RPH3AL: variants seen among roughly 807,000 people sequenced by gnomAD.
The protein encoded by RPH3AL is rabphilin 3A like (without C2 domains).
RPH3AL carries 38 observed loss-of-function variants against 43.1 expected under a neutral mutation model. That is an observed-to-expected ratio of 0.88 (90% CI 0.68 to 1.15). The LOEUF (loss-of-function observed/expected upper bound fraction) is 1.15, where lower values mean the gene tolerates loss of function less well. Among genes scored for constraint, RPH3AL ranks in the 50% most tolerant of loss-of-function variants. The pLI is 0.00. For missense variants in RPH3AL, 462 were observed against 423.2 expected, an observed-to-expected ratio of 1.09 and a Z score of -0.81; for synonymous variants, 189 against 176.3, an observed-to-expected ratio of 1.07 and a Z score of -0.57.
intron 1 of RPH3AL, among the ~76,000 whole-genome samples, chr17:351,784 C>A (rs2045358320): frequency 6.6e-6 from 1 of 152,124 alleles, no homozygotes; most frequent in Admixed American, 6.5e-5. Context: ...ATGCCATATG[C>A]CACAAATAGA....
intron 5 of RPH3AL, among the ~76,000 whole-genome samples, chr17:317,816 C>G (rs945400166): frequency 3.3e-5 from 5 of 152,306 alleles, no homozygotes; most frequent in Middle Eastern, 3.4e-3. Context: ...AAAATGCCCT[C>G]AAGTTTGCCA....
chr17:276,679 C>T (rs1161598533), intron 6 of RPH3AL, among the ~76,000 whole-genome samples: 1 of 152,224 alleles, frequency 6.6e-6, no homozygotes, highest in Non-Finnish European at 1.5e-5. Flanking sequence ...AGGTGTGAGC[C>T]ACTGTACCTG....
chr17:223,833 G>A (rs11867332), intron 7 of RPH3AL, among the ~76,000 whole-genome samples: 122,749 of 152,152 alleles, frequency 0.81, 49,559 homozygotes, highest in Middle Eastern at 0.88. Flanking sequence ...GCTGGCTGCC[G>A]TGAAGACCTG....
rs1372698880 is a variant in RPH3AL at position 219,750 on chromosome 17, A to G, written c.614-14T>C. On this transcript the variant is annotated splice_polypyrimidine_tract_variant and intron_variant, in intron 7 of 9. Transcript: ENST00000331302. ...CACTGGAAACCACTGGAAGAGACAG[A>G]CCACAGCACAGGAGGTCACCCGACC... 4 of 1,595,812 alleles carry G rather than the reference A, an allele frequency of 2.5e-6. No homozygotes were observed. The highest frequency in any genetic ancestry group is 3.4e-6 in the Non-Finnish European group (4 of 1,163,908).
chr17:226,015 G>A (rs1482570608), intron 7 of RPH3AL, among the ~76,000 whole-genome samples: 1 of 152,248 alleles, frequency 6.6e-6, no homozygotes, highest in African/African-American at 2.4e-5. Flanking sequence ...ACCATGCCGT[G>A]CCATGTCGTG....
At chr17:344,596 T>C (rs1169242602) in intron 1 of RPH3AL, among the ~76,000 whole-genome samples, 1 of 132,670 alleles carries the variant, frequency 7.5e-6, no homozygotes, top group Non-Finnish European at 1.7e-5. Context: ...ATCACCATCA[T>C]TGTCAATCAG....
chr17:346,987 G>A (rs370349060), intron 1 of RPH3AL, among the ~76,000 whole-genome samples: 4 of 135,818 alleles, frequency 2.9e-5, no homozygotes, highest in South Asian at 2.4e-4. Context: ...GGCCAGGCGC[G>A]GTGGCTCACG....
At chr17:332,399 A>C (rs376714592) in intron 2 of RPH3AL, 2 of 175,478 alleles carry the variant, frequency 1.1e-5, no homozygotes, top group Non-Finnish European at 1.2e-5. Context: ...GAGCCCGCCC[A>C]GAAGTGTTCA....
Position 346,391 on chromosome 17 carries a change from G to A in RPH3AL, c.-213+6321C>T, listed in dbSNP as rs1429665115. 1.5e-5 allele frequency among the ~76,000 whole-genome samples: 2 copies of A among 135,210 alleles called. 1 individual carries two copies. The highest frequency in any genetic ancestry group is 3.4e-5 in the Non-Finnish European group (2 of 59,440). The allele number at this position is 135,210 out of a possible 152,430, so 88.7% of individuals were successfully genotyped here. On this transcript the variant is annotated intron_variant, in intron 1 of 9. Transcript: ENST00000331302. ...AGGTTTAATGGACTTACAGTTCCAC[G>A]TGGCTGGGGAAGCCTCACAATCATG...
chr17:220,721 C>A (rs1555530772), intron 7 of RPH3AL, among the ~76,000 whole-genome samples: 31 of 39,110 alleles, frequency 7.9e-4, no homozygotes, highest in African/African-American at 1.1e-3. Context: ...TAGACCCAAG[C>A]ACATCAGCTC....
chr17:299,009 C>T (rs1465023839), intron 5 of RPH3AL, among the ~76,000 whole-genome samples: 3 of 148,310 alleles, frequency 2.0e-5, no homozygotes, highest in Non-Finnish European at 4.4e-5. Context: ...TCGGATACCA[C>T]GTGGGGGTGT....
At chr17:292,598 G>A (rs1165820783) in intron 5 of RPH3AL, among the ~76,000 whole-genome samples, 1 of 152,124 alleles carries the variant, frequency 6.6e-6, no homozygotes, top group African/African-American at 2.4e-5. Context: ...TCGGTCCCGG[G>A]CTCCTGCTGC....
At chr17:332,762 G>A in intron 2 of RPH3AL, 1 of 302,042 alleles carries the variant, frequency 3.3e-6, no homozygotes, top group Non-Finnish European at 6.7e-6. Context: ...CTTGCTGAGG[G>A]GCTGGTGCCC....
At chr17:260,499 G>A (rs1160200456) in intron 6 of RPH3AL, among the ~76,000 whole-genome samples, 1 of 152,232 alleles carries the variant, frequency 6.6e-6, no homozygotes, top group Non-Finnish European at 1.5e-5. Flanking sequence ...GTCTCCAGGG[G>A]ACAGAGGGGA....
At chr17:300,193 C>T (rs1338084488) in intron 5 of RPH3AL, among the ~76,000 whole-genome samples, 1 of 71,070 alleles carries the variant, frequency 1.4e-5, no homozygotes, top group African/African-American at 5.6e-5. Context: ...GCTGGCCCAG[C>T]CTAGGCCTGC....
Position 297,119 on chromosome 17 carries a change from A to G in RPH3AL, c.352-15265T>C, listed in dbSNP as rs533577661. 3.3e-5 allele frequency among the ~76,000 whole-genome samples: 5 copies of G among 152,292 alleles called. No homozygotes were observed. In the South Asian group the frequency reaches 1.0e-3, roughly 32 times the overall value. ...GATGAAGACTCCACAAAAACCCAAG[A>G]CGTCGGGGCTTGGGGCGATTCCAGA... On this transcript the variant is annotated intron_variant, in intron 5 of 9. Transcript: ENST00000331302.
chr17:219,752 C>T lies in RPH3AL; in HGVS notation c.614-16G>A, dbSNP rs1390727969. 1.3e-6 allele frequency: 2 copies of T among 1,595,856 alleles called. No homozygotes were observed. Among genetic ancestry groups the T allele is most frequent in the African/African-American group, 1.3e-5 (1 of 74,486 alleles). ...CTGGAAACCACTGGAAGAGACAGACCACAGCACAGGAGGTCACCCGACCAG... is the reference window on the plus strand; with the variant it reads ...CTGGAAACCACTGGAAGAGACAGACTACAGCACAGGAGGTCACCCGACCAG... On this transcript the variant is annotated splice_polypyrimidine_tract_variant and intron_variant, in intron 7 of 9. Coordinates refer to ENST00000331302, the MANE Select transcript of RPH3AL (RefSeq NM_006987.4).
rs576566958 is a variant in RPH3AL, at chr17:333,692, G to A, written c.-37+67C>T. 44 of 184,082 alleles carry A rather than the reference G, an allele frequency of 2.4e-4. No individual in the cohort carries two copies. The highest frequency in any genetic ancestry group is 2.2e-3 in the South Asian group (21 of 9,454). The allele number at this position is 184,082 out of a possible 1,614,324, so 11.4% of individuals were successfully genotyped here. On this transcript the variant is annotated intron_variant, in intron 2 of 9. Transcript: ENST00000331302. The surrounding 1 kb of genome is among the most constrained non-coding windows in gnomAD (Gnocchi z 4.5). Reference sequence around the variant, plus strand: ...ACATCCTGGCAGATAAATCTCTGACGACTGCCTTAGGATAAGTTCCCAAAA... The same window carrying A: ...ACATCCTGGCAGATAAATCTCTGACAACTGCCTTAGGATAAGTTCCCAAAA...
chr17:299,566 G>A (rs2043269869), intron 5 of RPH3AL, among the ~76,000 whole-genome samples: 1 of 152,210 alleles, frequency 6.6e-6, no homozygotes, highest in South Asian at 2.1e-4. Context: ...GACGGGCCAA[G>A]TCCATCCCCA....
Sources: gnomAD v4.1 joint callset for allele counts (sites outside exome capture counted in the v4.1 genomes callset) on GRCh38, gnomAD v4.1.1 for gene constraint, Gnocchi (gnomAD v3.1) non-coding constraint, MANE v1.5 for transcripts, NCBI Gene and HGNC (gene_info 2026-07-23, HGNC 2026-07-21) for gene names.